Variants in GLG1 observed in about 807,000 individuals in gnomAD.
GLG1 encodes Golgi apparatus protein 1.
Under a neutral mutation model 160.5 loss-of-function variants are expected in GLG1, and 38 were observed. The observed-to-expected ratio is 0.24, with a 90% CI of 0.18 to 0.31. GLG1 has a LOEUF of 0.31. GLG1 is among the 10% of genes least tolerant of loss of function. GLG1 has a pLI of 1.00. For synonymous variants in GLG1, 644 were observed against 543.4 expected (o/e 1.19, Z -2.57); for missense variants, 1,373 against 1,505.2 (o/e 0.91, Z 1.45).
At chr16:74,497,251 T>C (rs147243549) in intron 4 of GLG1, among the ~76,000 whole-genome samples, 2,804 of 149,328 alleles carry the variant, frequency 0.019, 36 homozygotes, top group Non-Finnish European at 0.027. Flanking sequence ...ATCGTGCCAC[T>C]GCACTCCAGC....
intron 1 of GLG1, among the ~76,000 whole-genome samples, chr16:74,574,417 C>T (rs1012322299): frequency 1.3e-5 from 2 of 152,150 alleles, no homozygotes; most frequent in Admixed American, 1.3e-4. Context: ...TTACTCAAAA[C>T]TGACTATGTT....
chr16:74,542,091 A>G lies in GLG1; in HGVS notation c.439-9938T>C, dbSNP rs1415542520. ...ATCCTCTGGGACACAGCAGGTAGCA[A>G]TCTGCCCTCTTAGAGTCCTAGACTG... On this transcript the variant is annotated intron_variant, in intron 1 of 25. Coordinates refer to ENST00000422840, the MANE Select transcript of GLG1 (RefSeq NM_001145667.2). Among the ~76,000 whole-genome samples the G allele has an allele frequency of 2.7e-5, 4 of 148,470 alleles. No homozygotes were observed. The Admixed American group carries it at 2.7e-4, about 10-fold the overall frequency.
In GLG1 at chr16:74,512,545, T is replaced by C. The variant is rs145867011; in HGVS notation, c.472-3620A>G. On this transcript the variant is annotated intron_variant, in intron 2 of 25. Transcript: ENST00000422840. ...TCCCAAAGTGCTGGAATTACAGACGTGAGTCATCGCGCCTGGCCTCAAATC... is the reference window on the plus strand; with the variant it reads ...TCCCAAAGTGCTGGAATTACAGACGCGAGTCATCGCGCCTGGCCTCAAATC... 4.9e-3 allele frequency among the ~76,000 whole-genome samples: 744 copies of C among 152,202 alleles called. 1 individual carries two copies. Among genetic ancestry groups the C allele is most frequent in the Non-Finnish European group, 7.3e-3 (499 of 68,012 alleles).
At chr16:74,525,275 C>T (rs1417331571) in intron 2 of GLG1, among the ~76,000 whole-genome samples, 1 of 152,204 alleles carries the variant, frequency 6.6e-6, no homozygotes, top group Non-Finnish European at 1.5e-5. Flanking sequence ...TTTCTCTAGA[C>T]TCACACCAAC....
intron 1 of GLG1, among the ~76,000 whole-genome samples, chr16:74,537,706 T>C (rs192942459): frequency 2.2e-3 from 328 of 146,080 alleles, no homozygotes; most frequent in Non-Finnish European, 4.2e-3. Context: ...AAATCTGAGA[T>C]GTGGAATTTA....
chr16:74,498,592 T>C (rs1814302), intron 4 of GLG1, among the ~76,000 whole-genome samples: 138,663 of 147,000 alleles, frequency 0.94, 65,602 homozygotes, highest in East Asian at 1. Flanking sequence ...TGGCCAGGCG[T>C]GGTGGCTCAT....
chr16:74,519,532 T>C (rs2017092502), intron 2 of GLG1, among the ~76,000 whole-genome samples: 1 of 149,132 alleles, frequency 6.7e-6, no homozygotes, highest in South Asian at 2.1e-4. Context: ...ACATACTTGA[T>C]ATTGATAATA....
chr16:74,549,571 C>A (rs1481555617), intron 1 of GLG1, among the ~76,000 whole-genome samples: 16 of 152,204 alleles, frequency 1.1e-4, no homozygotes, highest in Admixed American at 1.0e-3. Context: ...CAGGCGTGAG[C>A]CGCTGCGCCT....
chr16:74,587,019 T>C (rs965054115), intron 1 of GLG1, among the ~76,000 whole-genome samples: 17 of 151,948 alleles, frequency 1.1e-4, no homozygotes, highest in Admixed American at 2.0e-4. Flanking sequence ...TTCTAACAAA[T>C]TCTCCCCATT....
intron 1 of GLG1, among the ~76,000 whole-genome samples, chr16:74,569,881 A>G (rs1452053890): frequency 1.3e-5 from 2 of 151,494 alleles, no homozygotes; most frequent in African/African-American, 2.4e-5. Context: ...AAAAGAAAAA[A>G]AAAAAAAAGC....
chr16:74,458,473 C>A (rs188574279), intron 23 of GLG1, among the ~76,000 whole-genome samples: 1 of 151,976 alleles, frequency 6.6e-6, no homozygotes, highest in East Asian at 1.9e-4. Context: ...GAGTCTGAGA[C>A]CCGTGTGGGT....
At chr16:74,506,604 A>AAAAAAAAAAC (rs1555511216) in intron 3 of GLG1, among the ~76,000 whole-genome samples, 97 of 143,022 alleles carry the variant, frequency 6.8e-4, no homozygotes, top group Non-Finnish European at 1.2e-3. Flanking sequence ...AAAAAAAAAA[A>AAAAAAAAAAC]CTCAAGAGAA....
chr16:74,593,966 G>A (rs1958244493), intron 1 of GLG1, among the ~76,000 whole-genome samples: 1 of 151,228 alleles, frequency 6.6e-6, no homozygotes, highest in Non-Finnish European at 1.5e-5. Flanking sequence ...GAGTGCAATG[G>A]CACGATCTTG....
rs192609977 is a variant in GLG1, at chr16:74,578,343, A to G, written c.438+28314T>C. ...CCAAATACTCTTTGTGGCACCGCAC[A>G]GTCCATTTTATCCTCTAGCTTTGTA... On this transcript the variant is annotated intron_variant, in intron 1 of 25. Transcript: ENST00000422840. Among the ~76,000 whole-genome samples, 5 of 152,318 alleles carry G rather than the reference A, an allele frequency of 3.3e-5. No individual in the cohort carries two copies. In the East Asian group the frequency reaches 9.6e-4, roughly 29 times the overall value.
chr16:74,462,839 G>C, intron 20 of GLG1: 3 of 579,802 alleles, frequency 5.2e-6, no homozygotes, highest in Non-Finnish European at 6.1e-6. Flanking sequence ...AGGTCCTCAG[G>C]AATCTTTCTA....
intron 2 of GLG1, among the ~76,000 whole-genome samples, chr16:74,529,966 G>A (rs1209469838): frequency 6.6e-6 from 1 of 151,568 alleles, no homozygotes; most frequent in Non-Finnish European, 1.5e-5. Flanking sequence ...GGTGTGCCAC[G>A]ACGCCTGGCT....
chr16:74,479,902 C>T (rs1434166120), intron 11 of GLG1, among the ~76,000 whole-genome samples: 2 of 152,066 alleles, frequency 1.3e-5, no homozygotes, highest in African/African-American at 4.8e-5. Context: ...CCATTTGTAG[C>T]CTGGCTAAAA....
At chr16:74,503,503 T>C (rs1270549565) in intron 4 of GLG1, 28 bp downstream of exon 4, 6 of 1,437,918 alleles carry the variant, frequency 4.2e-6, no homozygotes, top group Non-Finnish European at 5.9e-6. Context: ...TAAGACCCCT[T>C]TGTTGAAGCT....
chr16:74,499,232 G>C (rs1001230283), intron 4 of GLG1, among the ~76,000 whole-genome samples: 12 of 128,780 alleles, frequency 9.3e-5, no homozygotes, highest in African/African-American at 3.2e-4. Flanking sequence ...TGTTGTTGTT[G>C]TTTAACTTTC....
Sources: allele counts gnomAD v4.1 joint callset (sites outside exome capture counted in the v4.1 genomes callset), GRCh38; gene constraint gnomAD v4.1.1; transcripts MANE v1.5; gene names NCBI Gene and HGNC (gene_info 2026-07-23, HGNC 2026-07-21).